Variants in CSMD3 observed in about 807,000 individuals in gnomAD.
CSMD3 encodes CUB and sushi domain-containing protein 3.
CSMD3 carries 177 observed loss-of-function variants against 435.2 expected under a neutral mutation model. The ratio of observed to expected loss-of-function variants is 0.41; its 90% CI spans 0.36 to 0.46. The LOEUF (loss-of-function observed/expected upper bound fraction) is 0.46, where lower values mean the gene tolerates loss of function less well. Ranked by LOEUF, CSMD3 falls within the 20% of genes least tolerant of loss-of-function variation. The pLI, the probability that CSMD3 is intolerant of heterozygous loss-of-function variation, is 0.34. For synonymous variants in CSMD3, 1,656 were observed against 1,520.5 expected (o/e 1.09, Z -2.07); for missense variants, 4,265 against 4,504.6 (o/e 0.95, Z 1.52).
intron 3 of CSMD3, among the ~76,000 whole-genome samples, chr8:113,239,527 T>TATCTATCTATC (rs1285028815): frequency 6.6e-6 from 1 of 151,766 alleles, no homozygotes; most frequent in East Asian, 1.9e-4. Context: ...TCTATCTATC[T>TATCTATCTATC]ATCTATCATC....
chr8:112,755,238 G>T (rs1259214704), intron 13 of CSMD3, among the ~76,000 whole-genome samples: 1 of 151,972 alleles, frequency 6.6e-6, no homozygotes, highest in African/African-American at 2.4e-5. Flanking sequence ...GGCTGAGGCA[G>T]GAGAATGGCG....
chr8:112,966,491 T>A lies in CSMD3; in HGVS notation c.1342+9346A>T, dbSNP rs181591240. On this transcript the variant is annotated intron_variant, in intron 7 of 70. Coordinates refer to ENST00000297405, the MANE Select transcript of CSMD3 (RefSeq NM_198123.2). ...TTCTTCTTTTTTTCATTTTTAAAAA[T>A]TTTTTTTTTTACTGTTTTACCTCCA... Among the ~76,000 whole-genome samples the A allele has an allele frequency of 9.9e-3, 1,440 of 146,134 alleles. 29 individuals carry two copies. Among genetic ancestry groups the A allele is most frequent in the African/African-American group, 0.033 (1,362 of 40,732 alleles).
At chr8:113,366,953 T>C (rs2094315793) in intron 1 of CSMD3, among the ~76,000 whole-genome samples, 1 of 152,060 alleles carries the variant, frequency 6.6e-6, no homozygotes, top group African/African-American at 2.4e-5. Context: ...TCATATTTAT[T>C]GAAATTAGGT....
chr8:112,490,598 A>G (rs1313226357), intron 31 of CSMD3, among the ~76,000 whole-genome samples: 1 of 152,082 alleles, frequency 6.6e-6, no homozygotes, highest in Non-Finnish European at 1.5e-5. Flanking sequence ...ATTAACATCT[A>G]TCTTAATAAT....
chr8:112,517,490 A>G (rs1823798637), intron 27 of CSMD3, among the ~76,000 whole-genome samples: 1 of 152,172 alleles, frequency 6.6e-6, no homozygotes, highest in Non-Finnish European at 1.5e-5. Context: ...AGAAAGCTTC[A>G]TACTGGGAAA....
chr8:113,073,600 G>A (rs2089220013), intron 5 of CSMD3, among the ~76,000 whole-genome samples: 1 of 151,728 alleles, frequency 6.6e-6, no homozygotes, highest in Non-Finnish European at 1.5e-5. Flanking sequence ...AAAATCCTGT[G>A]TTTCTGACTA....
intron 3 of CSMD3, among the ~76,000 whole-genome samples, chr8:113,215,018 T>G (rs1182545922): frequency 1.3e-5 from 2 of 151,882 alleles, no homozygotes; most frequent in South Asian, 4.1e-4. Flanking sequence ...AAGAGACATA[T>G]TGTAAATATT....
chr8:112,912,751 G>A (rs11997236), intron 10 of CSMD3, among the ~76,000 whole-genome samples: 1,607 of 151,964 alleles, frequency 0.011, 30 homozygotes, highest in African/African-American at 0.037. Flanking sequence ...GCACGGCAAA[G>A]GAAGCAATCA....
intron 25 of CSMD3, 107 bp downstream of exon 25, chr8:112,556,656 A>T (rs1045626843): frequency 2.4e-6 from 2 of 826,446 alleles, no homozygotes; most frequent in African/African-American, 3.4e-5. Flanking sequence ...TAATTTCTCG[A>T]TATAAAGTGT....
chr8:112,260,446 G>T (rs555779824), intron 61 of CSMD3, among the ~76,000 whole-genome samples: 1 of 152,096 alleles, frequency 6.6e-6, no homozygotes, highest in Admixed American at 6.6e-5. Flanking sequence ...TAGTAGAAAT[G>T]ATATACGTAA....
chr8:112,296,700 T>C (rs1820323010), intron 53 of CSMD3, among the ~76,000 whole-genome samples: 1 of 151,972 alleles, frequency 6.6e-6, no homozygotes, highest in African/African-American at 2.4e-5. Flanking sequence ...AACTCCATGT[T>C]AAGAAGAAGC....
chr8:112,536,846 A>G (rs1033200818), intron 27 of CSMD3, among the ~76,000 whole-genome samples: 3 of 152,066 alleles, frequency 2.0e-5, no homozygotes, highest in Non-Finnish European at 4.4e-5. Context: ...GCCATAAAAA[A>G]TGATGAGTTC....
At chr8:112,613,955 G>A (rs189450472) in intron 22 of CSMD3, among the ~76,000 whole-genome samples, 72 of 152,136 alleles carry the variant, frequency 4.7e-4, no homozygotes, top group Admixed American at 4.5e-3. Flanking sequence ...AAACTTTGTC[G>A]TAGAATTTTG....
rs115377085 is a variant in CSMD3, at chr8:112,278,946, T to C, written c.9508+2228A>G. ...GGAACTCTCTGGAGGAAGATACATA[T>C]AAATAAGGACAGAGTAGAGAAGATT... On this transcript the variant is annotated intron_variant, in intron 59 of 70. Coordinates refer to ENST00000297405, the MANE Select transcript of CSMD3 (RefSeq NM_198123.2). Among the ~76,000 whole-genome samples, 497 of 151,862 alleles carry C rather than the reference T, an allele frequency of 3.3e-3. 3 individuals carry two copies. The highest frequency in any genetic ancestry group is 0.011 in the African/African-American group (461 of 41,382).
rs193301249 is a variant in CSMD3, at chr8:113,424,791, G to A, written c.178+11886C>T. On this transcript the variant is annotated intron_variant, in intron 1 of 70. Coordinates refer to ENST00000297405, the MANE Select transcript of CSMD3 (RefSeq NM_198123.2). ...CATTAGGTTAAATTGCAAAAATGATGCCTTTCATTGGAAAGTTACAAACAG... is the reference window on the plus strand; with the variant it reads ...CATTAGGTTAAATTGCAAAAATGATACCTTTCATTGGAAAGTTACAAACAG... Among the ~76,000 whole-genome samples, 6 of 151,562 alleles carry A rather than the reference G, an allele frequency of 4.0e-5. No homozygotes were observed. The East Asian group carries it at 1.2e-3, about 29-fold the overall frequency.
chr8:113,421,549 T>C (rs2094608706), intron 1 of CSMD3, among the ~76,000 whole-genome samples: 1 of 152,160 alleles, frequency 6.6e-6, no homozygotes, highest in African/African-American at 2.4e-5. Flanking sequence ...TTTTGTCAAC[T>C]GTGTTTTTTT....
chr8:112,913,669 C>CT (rs942489727), intron 10 of CSMD3, among the ~76,000 whole-genome samples: 14 of 150,834 alleles, frequency 9.3e-5, no homozygotes, highest in African/African-American at 1.5e-4. Flanking sequence ...CTCTGTTTTT[C>CT]TTTTTTTTTC....
chr8:112,748,953 A>T (rs1212266036), intron 13 of CSMD3, among the ~76,000 whole-genome samples: 1 of 152,180 alleles, frequency 6.6e-6, no homozygotes, highest in Non-Finnish European at 1.5e-5. Context: ...TTACACTCCC[A>T]TCAACGGTGT....
chr8:113,325,054 G>T (rs1469924105), intron 1 of CSMD3, among the ~76,000 whole-genome samples: 1 of 152,230 alleles, frequency 6.6e-6, no homozygotes, highest in Admixed American at 6.5e-5. Context: ...TACCCCCATT[G>T]TATCTAGGAA....
Sources: allele counts gnomAD v4.1 joint callset (sites outside exome capture counted in the v4.1 genomes callset), GRCh38; gene constraint gnomAD v4.1.1; transcripts MANE v1.5; gene names NCBI Gene and HGNC (gene_info 2026-07-23, HGNC 2026-07-21).